Variants in UBE3D observed in about 807,000 individuals in gnomAD.
UBE3D encodes E3 ubiquitin-protein ligase E3D.
In UBE3D, 48 loss-of-function variants were observed where a neutral mutation model predicts 49.6. The ratio of observed to expected loss-of-function variants is 0.97; its 90% CI spans 0.77 to 1.23. The LOEUF (loss-of-function observed/expected upper bound fraction) is 1.23, where lower values mean the gene tolerates loss of function less well. Among genes scored for constraint, UBE3D ranks in the 50% most tolerant of loss-of-function variants. The pLI, the probability that UBE3D is intolerant of heterozygous loss-of-function variation, is 0.00. For missense variants in UBE3D, 452 were observed against 468.4 expected (o/e 0.96, Z 0.32); for synonymous variants, 189 against 174.2 (o/e 1.08, Z -0.67).
intron 8 of UBE3D, among the ~76,000 whole-genome samples, chr6:82,999,214 A>G (rs1347892149): frequency 2.0e-5 from 3 of 152,104 alleles, no homozygotes; most frequent in East Asian, 1.9e-4. Flanking sequence ...AGCCACTCCA[A>G]TACTGATCTC....
chr6:82,997,818 A>G (rs567548487), intron 8 of UBE3D, among the ~76,000 whole-genome samples: 8 of 152,362 alleles, frequency 5.3e-5, no homozygotes, highest in Non-Finnish European at 1.0e-4. Flanking sequence ...AGGTCTGGAA[A>G]CATACACAGC....
intron 1 of UBE3D, among the ~76,000 whole-genome samples, chr6:83,061,844 A>G (rs1430490326): frequency 6.6e-6 from 1 of 152,174 alleles, no homozygotes; most frequent in Non-Finnish European, 1.5e-5. Flanking sequence ...CACTGCCATA[A>G]GATCTTTTAC....
intron 5 of UBE3D, among the ~76,000 whole-genome samples, chr6:83,031,071 G>C (rs369053053): frequency 6.6e-6 from 1 of 152,098 alleles, no homozygotes; most frequent in East Asian, 1.9e-4. Context: ...GCAGTGGTGC[G>C]ATATCAGCTC....
chr6:83,057,135 G>T (rs1052947709), intron 2 of UBE3D, among the ~76,000 whole-genome samples: 2 of 152,090 alleles, frequency 1.3e-5, no homozygotes, highest in African/African-American at 2.4e-5. Context: ...AGGACCTTTT[G>T]TGTACTGTTT....
At chr6:83,037,736 A>T (rs1253066645) in intron 5 of UBE3D, 1 of 152,234 alleles carries the variant, frequency 6.6e-6, no homozygotes, top group East Asian at 1.9e-4. Context: ...AGACACTATA[A>T]ACCATATCTT....
chr6:82,959,893 G>A (rs1013478862), intron 8 of UBE3D, among the ~76,000 whole-genome samples: 5 of 152,176 alleles, frequency 3.3e-5, no homozygotes, highest in South Asian at 4.2e-4. Flanking sequence ...CCTGTTAGTG[G>A]AAGAAAGGCA....
chr6:83,047,941 G>A (rs556607458), intron 3 of UBE3D, among the ~76,000 whole-genome samples: 1 of 151,892 alleles, frequency 6.6e-6, no homozygotes, highest in Non-Finnish European at 1.5e-5. Context: ...AATTAGCCGG[G>A]AGTGCTGGCG....
At chr6:83,062,481 T>C (rs569608296) in intron 1 of UBE3D, among the ~76,000 whole-genome samples, 2 of 152,272 alleles carry the variant, frequency 1.3e-5, no homozygotes, top group East Asian at 3.9e-4. Flanking sequence ...CTAGGCCCTA[T>C]GTCTCAACAC....
At chr6:82,995,638 A>T (rs556604627) in intron 8 of UBE3D, among the ~76,000 whole-genome samples, 4 of 152,312 alleles carry the variant, frequency 2.6e-5, no homozygotes, top group Admixed American at 2.0e-4. Context: ...ACAGTCATTT[A>T]AAAAAGGTGC....
chr6:82,936,080 TA>T (rs146728845), intron 9 of UBE3D, among the ~76,000 whole-genome samples: 5 of 147,832 alleles, frequency 3.4e-5, no homozygotes, highest in South Asian at 2.1e-4. Flanking sequence ...CTAGAGGTGG[TA>T]AAAAAAAAAC....
chr6:82,910,043 C>T (rs1484138685), intron 9 of UBE3D, among the ~76,000 whole-genome samples: 2 of 152,074 alleles, frequency 1.3e-5, no homozygotes, highest in East Asian at 1.9e-4. Context: ...TTGTGATTCC[C>T]GAAAGCTACT....
chr6:83,045,742 T>C (rs997288745), intron 3 of UBE3D, among the ~76,000 whole-genome samples: 7 of 152,292 alleles, frequency 4.6e-5, no homozygotes, highest in South Asian at 2.1e-4. Context: ...GACCTAAACT[T>C]ACTATTTTAT....
At chr6:83,050,328 T>A (rs551709717) in intron 3 of UBE3D, among the ~76,000 whole-genome samples, 3 of 151,802 alleles carry the variant, frequency 2.0e-5, no homozygotes, top group Admixed American at 1.3e-4. Context: ...CAAATACAAA[T>A]GAGGTTCATT....
intron 3 of UBE3D, among the ~76,000 whole-genome samples, chr6:83,050,710 G>T (rs1783417473): frequency 6.6e-6 from 1 of 152,162 alleles, no homozygotes; most frequent in South Asian, 2.1e-4. Context: ...TGACATTAAT[G>T]GTCAACATGA....
intron 2 of UBE3D, among the ~76,000 whole-genome samples, chr6:83,056,723 C>T (rs1783837032): frequency 6.6e-6 from 1 of 152,144 alleles, no homozygotes; most frequent in African/African-American, 2.4e-5. Flanking sequence ...AGCACAGACT[C>T]AGGGGAATAC....
At chr6:82,913,357 A>C (rs1028123257) in intron 9 of UBE3D, among the ~76,000 whole-genome samples, 4 of 152,172 alleles carry the variant, frequency 2.6e-5, no homozygotes, top group African/African-American at 9.7e-5. Flanking sequence ...CCAGGCAAAG[A>C]ATTCTTTTTT....
chr6:82,973,459 A>T (rs1306662575), intron 8 of UBE3D, among the ~76,000 whole-genome samples: 1 of 152,136 alleles, frequency 6.6e-6, no homozygotes, highest in African/African-American at 2.4e-5. Context: ...TGTTTGCTAA[A>T]TTTTTCCGAG....
At chr6:83,025,981 T>C (rs911742776) in intron 5 of UBE3D, among the ~76,000 whole-genome samples, 2 of 151,112 alleles carry the variant, frequency 1.3e-5, no homozygotes, top group African/African-American at 2.4e-5. Flanking sequence ...CACTGGTATA[T>C]GAAAACACTT....
intron 1 of UBE3D, among the ~76,000 whole-genome samples, chr6:83,059,307 T>G (rs1339291985): frequency 1.3e-5 from 2 of 152,306 alleles, no homozygotes; most frequent in African/African-American, 4.8e-5. Flanking sequence ...GGAGGATCAC[T>G]TAAGCCCAGG....
Sources: gnomAD v4.1 joint callset for allele counts (sites outside exome capture counted in the v4.1 genomes callset) on GRCh38, gnomAD v4.1.1 for gene constraint, MANE v1.5 for transcripts, NCBI Gene and HGNC (gene_info 2026-07-23, HGNC 2026-07-21) for gene names.